HIP1: variants seen among roughly 807,000 people sequenced by gnomAD.
The protein encoded by HIP1 is huntingtin interacting protein 1.
HIP1 carries 65 observed loss-of-function variants against 147.6 expected under a neutral mutation model. The ratio of observed to expected loss-of-function variants is 0.44; its 90% confidence interval spans 0.36 to 0.54. The LOEUF is 0.54. HIP1 is among the 20% of genes least tolerant of loss of function. HIP1 has a pLI of 0.00. For missense variants in HIP1, 1,061 were observed against 1,299.6 expected, an observed-to-expected ratio of 0.82 and a Z score of 2.82; for synonymous variants, 479 against 504.0, an observed-to-expected ratio of 0.95 and a Z score of 0.67.
intron 5 of HIP1, 35 bp downstream of exon 5, chr7:75,586,718 C>T (rs372148859): frequency 3.4e-5 from 46 of 1,361,800 alleles, no homozygotes; most frequent in East Asian, 1.4e-4. Flanking sequence ...GCAGGGGAGG[C>T]GGCGGTGGCG....
intron 1 of HIP1, among the ~76,000 whole-genome samples, chr7:75,701,589 C>T (rs1378422590): frequency 6.6e-6 from 1 of 152,028 alleles, no homozygotes; most frequent in Non-Finnish European, 1.5e-5. Flanking sequence ...GTGGAGCATG[C>T]CTGTAGTCCC....
At chr7:75,540,000 T>C (rs1215772062) in intron 29 of HIP1, among the ~76,000 whole-genome samples, 1 of 152,212 alleles carries the variant, frequency 6.6e-6, no homozygotes, top group African/African-American at 2.4e-5. Flanking sequence ...GGTTCTGATA[T>C]CTTTCAGGTA....
intron 8 of HIP1, 27 bp downstream of exon 8, chr7:75,573,734 T>C: frequency 1.2e-6 from 2 of 1,605,960 alleles, no homozygotes; most frequent in Non-Finnish European, 1.7e-6. Flanking sequence ...GAATCTCATG[T>C]AAGAAGATCT....
chr7:75,558,041 G>T, intron 15 of HIP1, 126 bp downstream of exon 15: 1 of 772,764 alleles, frequency 1.3e-6, no homozygotes. Context: ...TGTGGTTCCC[G>T]AGATGACGGC....
At chr7:75,711,117 G>C (rs1254669275) in intron 1 of HIP1, among the ~76,000 whole-genome samples, 1 of 152,100 alleles carries the variant, frequency 6.6e-6, no homozygotes, top group African/African-American at 2.4e-5. Context: ...ATATGTTGTG[G>C]ATATAATGTG....
intron 1 of HIP1, among the ~76,000 whole-genome samples, chr7:75,615,823 T>C (rs1179607): frequency 0.52 from 78,121 of 151,326 alleles, 20,779 homozygotes; most frequent in African/African-American, 0.65. Flanking sequence ...CGGTGGCTCA[T>C]GCCTGTAGTC....
chr7:75,536,198 A>G lies in HIP1; in HGVS notation c.*1974T>C, dbSNP rs944522388. On this transcript the variant is annotated 3_prime_UTR_variant, in exon 31 of 31. Coordinates refer to ENST00000336926, the MANE Select transcript of HIP1 (RefSeq NM_005338.7). ...ATCAAAAAAATACTAAGCAGAAAGC[A>G]GCATTCAACATTAAGACTGCCCAAT... 14 of 210,206 alleles carry G rather than the reference A, an allele frequency of 6.7e-5. No individual in the cohort carries two copies. The East Asian group carries it at 9.2e-4, about 14-fold the overall frequency. 13.0% of individuals were successfully genotyped at this position (210,206 alleles called of 1,614,324 possible).
chr7:75,727,501 T>A (rs1266650003), intron 1 of HIP1, among the ~76,000 whole-genome samples: 2 of 152,012 alleles, frequency 1.3e-5, no homozygotes, highest in African/African-American at 2.4e-5. Flanking sequence ...GTTGCAAATA[T>A]TTTCTTCTGG....
At chr7:75,672,351 CA>C (rs1799751090) in intron 1 of HIP1, among the ~76,000 whole-genome samples, 1 of 145,620 alleles carries the variant, frequency 6.9e-6, no homozygotes, top group African/African-American at 2.6e-5. Flanking sequence ...TTTTGAAAGA[CA>C]GTCTTGCTCT....
intron 1 of HIP1, among the ~76,000 whole-genome samples, chr7:75,631,066 G>A (rs1439348022): frequency 6.6e-6 from 1 of 152,050 alleles, no homozygotes; most frequent in Admixed American, 6.6e-5. Context: ...TGATCCACCT[G>A]CCTCAGCTGG....
At chr7:75,678,409 T>TCTCA (rs541016765) in intron 1 of HIP1, among the ~76,000 whole-genome samples, 480 of 137,336 alleles carry the variant, frequency 3.5e-3, no homozygotes, top group Non-Finnish European at 5.1e-3. Flanking sequence ...GGTGGCACAA[T>TCTCA]CTCAGCTCAC....
intron 1 of HIP1, chr7:75,639,063 A>T: frequency 1.0e-6 from 1 of 984,162 alleles, no homozygotes; most frequent in Non-Finnish European, 1.2e-6. Flanking sequence ...TCTTGCTCAC[A>T]TCCATGACCG....
At chr7:75,724,598 G>C (rs1801598002) in intron 1 of HIP1, among the ~76,000 whole-genome samples, 1 of 152,198 alleles carries the variant, frequency 6.6e-6, no homozygotes, top group South Asian at 2.1e-4. Context: ...ACCATGCCTA[G>C]CCATCGCCAC....
chr7:75,720,985 C>T (rs187352430), intron 1 of HIP1, among the ~76,000 whole-genome samples: 31 of 150,354 alleles, frequency 2.1e-4, no homozygotes, highest in African/African-American at 7.1e-4. Context: ...TTGCGGTAAG[C>T]CAAGATCGGG....
chr7:75,659,902 T>C (rs1348242208), intron 1 of HIP1, among the ~76,000 whole-genome samples: 1 of 151,636 alleles, frequency 6.6e-6, no homozygotes, highest in African/African-American at 2.4e-5. Flanking sequence ...CCGAGGTGGG[T>C]GGATCACGAG....
intron 1 of HIP1, among the ~76,000 whole-genome samples, chr7:75,710,954 A>G (rs1457592962): frequency 6.6e-6 from 1 of 152,196 alleles, no homozygotes; most frequent in African/African-American, 2.4e-5. Context: ...ACCAAGACAT[A>G]AGCAAACCTT....
intron 9 of HIP1, among the ~76,000 whole-genome samples, chr7:75,565,353 TG>T (rs1299485355): frequency 6.6e-6 from 1 of 152,216 alleles, no homozygotes; most frequent in Non-Finnish European, 1.5e-5. Flanking sequence ...CTTGCTGGTT[TG>T]GAGCCAACAG....
chr7:75,734,602 A>C (rs1378387900), intron 1 of HIP1, among the ~76,000 whole-genome samples: 2 of 152,120 alleles, frequency 1.3e-5, no homozygotes, highest in African/African-American at 2.4e-5. Flanking sequence ...CAATAAGCTC[A>C]GTGTTCAATG....
In HIP1 at chr7:75,535,592, T is replaced by A. The variant is rs2116700224; in HGVS notation, c.*2580A>T. On this transcript the variant is annotated 3_prime_UTR_variant, in exon 31 of 31. Transcript: ENST00000336926. ...CCAGCCTGGTCTCAAACTCCTGAGC[T>A]CAAGCAATCATCCCGTCTTGGCCTC... 1 of 182,852 alleles carries A rather than the reference T, an allele frequency of 5.5e-6. No homozygotes were observed. Among genetic ancestry groups the A allele is most frequent in the East Asian group, 8.9e-5 (1 of 11,266 alleles). 11.3% of individuals were successfully genotyped at this position (182,852 alleles called of 1,614,324 possible). A position where few individuals can be genotyped will look rare whatever the true frequency, so the allele number is the denominator to read the frequency against.
Sources: gnomAD v4.1 joint callset for allele counts (sites outside exome capture counted in the v4.1 genomes callset) on GRCh38, gnomAD v4.1.1 for gene constraint, MANE v1.5 for transcripts, NCBI Gene and HGNC (gene_info 2026-07-23, HGNC 2026-07-21) for gene names.